Variants in SFR1 observed in about 807,000 individuals in gnomAD.
SFR1 encodes SWI5 dependent homologous recombination repair protein 1, also known as swi5-dependent recombination DNA repair protein 1 homolog.
A neutral mutation model predicts 26.2 loss-of-function variants in SFR1; 24 were observed. The observed-to-expected ratio is 0.92, with a 90% confidence interval of 0.66 to 1.29. The LOEUF is 1.29. SFR1 is among the 50% of genes most tolerant of loss of function. The probability of loss-of-function intolerance (pLI) is 0.00; values close to 1 mark genes in which losing one functional copy is unlikely to be tolerated. For synonymous variants in SFR1, 77 were observed against 96.6 expected (o/e 0.80, Z 1.19); for missense variants, 276 against 270.2 (o/e 1.02, Z -0.15).
chr10:104,122,968 A>G lies in SFR1; in HGVS notation c.17A>G (p.Lys6Arg). 1 of 1,613,040 alleles carries G rather than the reference A, an allele frequency of 6.2e-7. No individual in the cohort carries two copies. The highest frequency in any genetic ancestry group is 8.5e-7 in the Non-Finnish European group (1 of 1,179,244). MAEGE[K>R]NQDFTFKMES... ...TTTTATAATTTTTCTTTTTTAGAGA[A>G]AAACCAAGATTTCACTTTCAAGATG... Residue 6 changes from lysine to arginine, a missense_variant, in exon 2 of 4, where the codon AAA becomes AGA. Physicochemically the swap from Lys to Arg is conservative, Grantham distance 26. Transcript: ENST00000369727.
rs2087022964 is a variant in SFR1 at position 104,125,938 on chromosome 10, G to C, written c.*234G>C. ...CCGCCACCATGCCCGGCTAATTTTT[G>C]CATTTTTAGTAGAGACTGGGTTTCA... On this transcript the variant is annotated 3_prime_UTR_variant, in exon 4 of 4. Coordinates refer to ENST00000369727, the MANE Select transcript of SFR1 (RefSeq NM_001002759.2). 6.4e-6 allele frequency: 2 copies of C among 312,524 alleles called. No homozygotes were observed. Among genetic ancestry groups the C allele is most frequent in the Non-Finnish European group, 1.2e-5 (2 of 165,418 alleles). The allele number at this position is 312,524 out of a possible 1,614,324, so 19.4% of individuals were successfully genotyped here.
At chr10:104,122,146 C>A (rs369274399), upstream of SFR1, 108 of 1,546,898 alleles carry the variant, frequency 7.0e-5, 2 homozygotes, top group African/African-American at 1.4e-3. Context: ...GATCGATTTA[C>A]GGCCGCAGGT....
At chr10:104,121,913 CGG>C (rs2086966234), upstream of SFR1, 2 of 454,158 alleles carry the variant, frequency 4.4e-6, no homozygotes, top group Non-Finnish European at 7.9e-6. Context: ...ACGCTGCTCT[CGG>C]GCGCTGGGCG....
At position 104,123,053 on chromosome 10, in the gene SFR1, A is replaced by G; in HGVS notation, c.102A>G (p.Pro34=). Residue 34 remains proline, a synonymous_variant, in exon 2 of 4, where the codon CCA becomes CCG. Coordinates refer to ENST00000369727, the MANE Select transcript of SFR1 (RefSeq NM_001002759.2). Reference sequence around the variant, plus strand: ...GCACTCCTCAGGCCTCTGCGAATCCATCATCTCCCTATACAAATAGTTCCC... The same window carrying G: ...GCACTCCTCAGGCCTCTGCGAATCCGTCATCTCCCTATACAAATAGTTCCC... ...LPSTPQASAN[P]SSPYTNSSRK... 1 of 1,601,172 alleles carries G rather than the reference A, an allele frequency of 6.2e-7. No individual in the cohort carries two copies. Among genetic ancestry groups the G allele is most frequent in the Non-Finnish European group, 8.5e-7 (1 of 1,175,854 alleles).
In SFR1 at chr10:104,124,115, T is replaced by C. The variant is rs756291600; in HGVS notation, c.537T>C (p.Tyr179=). 2.5e-6 allele frequency: 4 copies of C among 1,600,896 alleles called. No homozygotes were observed. Among genetic ancestry groups the C allele is most frequent in the East Asian group, 2.2e-5 (1 of 44,772 alleles). The change falls in exon 3 of 4, where the codon TAT becomes TAC. Residue 179 remains tyrosine (Y), a synonymous_variant. Transcript: ENST00000369727. ...GGAGGCTAAAACTAGTCAAAATGTA[T>C]AGATCAAAGGTGAGAAGAATTTCAG... ...LLRRLKLVKM[Y]RSKNDLSQLQ... is the part of the protein sequence containing the mutation.
chr10:104,121,726 A>T (rs1338848067), upstream of SFR1, among the ~76,000 whole-genome samples: 2 of 152,208 alleles, frequency 1.3e-5, no homozygotes, highest in Non-Finnish European at 2.9e-5. Flanking sequence ...AGGCACTTTC[A>T]GGCGCACTTC....
At chr10:104,121,647 G>A (rs1038393172), upstream of SFR1, among the ~76,000 whole-genome samples, 3 of 152,238 alleles carry the variant, frequency 2.0e-5, no homozygotes, top group Non-Finnish European at 4.4e-5. Context: ...AGCCTTCACT[G>A]TGACTAGCAG....
At position 104,123,823 on chromosome 10, in the gene SFR1, C is replaced by T. The variant is rs201281554; in HGVS notation, c.245C>T (p.Thr82Ile). Residue 82 changes from threonine to isoleucine, a missense_variant, in exon 3 of 4, where the codon ACC becomes ATC. Coordinates refer to ENST00000369727, the MANE Select transcript of SFR1 (RefSeq NM_001002759.2). ...GTAGAGAGTGAAGAAAATGATCAGACCTTTTCAGAGAAACCAGCATCTTCC... is the reference window on the plus strand; with the variant it reads ...GTAGAGAGTGAAGAAAATGATCAGATCTTTTCAGAGAAACCAGCATCTTCC... ...LKVESEENDQ[T>I]FSEKPASSTE... 3.1e-5 allele frequency: 50 copies of T among 1,612,976 alleles called. No individual in the cohort carries two copies. Among genetic ancestry groups the T allele is most frequent in the Middle Eastern group, 1.9e-4 (1 of 5,280 alleles).
At chr10:104,120,519 GCTT>G, upstream of SFR1, among the ~76,000 whole-genome samples, 1 of 152,088 alleles carries the variant, frequency 6.6e-6, no homozygotes, top group Non-Finnish European at 1.5e-5. Flanking sequence ...AAATATATGT[GCTT>G]TTTTGGGGGG....
At chr10:104,123,624 T>C (rs895130754) in intron 2 of SFR1, 90 bp from the exon 3 acceptor site, 1 of 1,049,474 alleles carries the variant, frequency 9.5e-7, no homozygotes, top group Non-Finnish European at 1.4e-6. Flanking sequence ...GTGTCTAGCA[T>C]AGAAATGGAA....
chr10:104,122,263 G>C (rs1328701526), intron 1 of SFR1, 67 bp downstream of exon 1: 4 of 1,485,020 alleles, frequency 2.7e-6, no homozygotes, highest in Admixed American at 2.3e-5. Flanking sequence ...CTGTGGAGTC[G>C]AGTTGAGCTC....
upstream of SFR1, among the ~76,000 whole-genome samples, chr10:104,120,520 C>G (rs970631641): frequency 6.6e-6 from 1 of 151,926 alleles, no homozygotes; most frequent in Non-Finnish European, 1.5e-5. Context: ...AATATATGTG[C>G]TTTTTTGGGG....
At position 104,124,055 on chromosome 10, in the gene SFR1, G is replaced by C; in HGVS notation, c.477G>C (p.Leu159Phe). The C allele has an allele frequency of 6.2e-7, 1 of 1,613,866 alleles. No individual in the cohort carries two copies. The highest frequency in any genetic ancestry group is 2.2e-5 in the East Asian group (1 of 44,832). Reference sequence around the variant, plus strand: ...GATTAAACGCTGAAAAAGCCAAATTGGTGAAGCAGGTTCAGGAGAAAGAAG... The same window carrying C: ...GATTAAACGCTGAAAAAGCCAAATTCGTGAAGCAGGTTCAGGAGAAAGAAG... ...KQRLNAEKAK[L>F]VKQVQEKEDL... Residue 159 changes from leucine (L) to phenylalanine (F), a missense_variant, in exon 3 of 4, where the codon TTG becomes TTC. Leu to Phe is a conservative substitution (Grantham distance 22). Coordinates refer to ENST00000369727, the MANE Select transcript of SFR1 (RefSeq NM_001002759.2).
chr10:104,124,170 A>C, intron 3 of SFR1, 46 bp downstream of exon 3: 1 of 1,422,588 alleles, frequency 7.0e-7, no homozygotes, highest in Non-Finnish European at 9.3e-7. Flanking sequence ...TTTTTACATA[A>C]ATTACAGGAA....
chr10:104,125,085 G>T (rs1294958121), intron 3 of SFR1, among the ~76,000 whole-genome samples: 1 of 152,162 alleles, frequency 6.6e-6, no homozygotes, highest in Non-Finnish European at 1.5e-5. Flanking sequence ...TCCCAGGTGT[G>T]AGCCACCATC....
At chr10:104,122,335 G>T in intron 1 of SFR1, 139 bp downstream of exon 1, 1 of 1,393,158 alleles carries the variant, frequency 7.2e-7, no homozygotes, top group Non-Finnish European at 9.3e-7. Flanking sequence ...GAACTAGTGG[G>T]CTTTCTGCAA....
chr10:104,123,540 CA>C (rs1298140761), intron 2 of SFR1, among the ~76,000 whole-genome samples, 173 bp from the exon 3 acceptor site: 1 of 152,084 alleles, frequency 6.6e-6, no homozygotes, highest in Admixed American at 6.6e-5. Flanking sequence ...GGAAATAAAA[CA>C]AATGGAGCTT....
chr10:104,125,724 A>C lies in SFR1; in HGVS notation c.*20A>C, dbSNP rs1589594107. 6.6e-6 allele frequency: 10 copies of C among 1,520,286 alleles called. No individual in the cohort carries two copies. Among genetic ancestry groups the C allele is most frequent in the Non-Finnish European group, 8.1e-6 (9 of 1,115,404 alleles). The allele number at this position is 1,520,286 out of a possible 1,614,324, so 94.2% of individuals were successfully genotyped here. On this transcript the variant is annotated 3_prime_UTR_variant, in exon 4 of 4. Transcript: ENST00000369727. ...GTTTAATTCCTGATTTTTGCTCCAG[A>C]ATATCTTTGAGAATGACAACTTAAT...
chr10:104,122,983 C>T lies in SFR1; in HGVS notation c.32C>T (p.Thr11Ile). ...TTTTTAGAGAAAAACCAAGATTTCACTTTCAAGATGGAAAGTCCGTCAGAC... is the reference window on the plus strand; with the variant it reads ...TTTTTAGAGAAAAACCAAGATTTCATTTTCAAGATGGAAAGTCCGTCAGAC... Reference protein sequence around the residue: MAEGEKNQDFTFKMESPSDSA... With the variant: MAEGEKNQDFIFKMESPSDSA... The change falls in exon 2 of 4, where the codon ACT becomes ATT. Residue 11 changes from threonine to isoleucine, a missense_variant. Transcript: ENST00000369727. 1.2e-6 allele frequency: 2 copies of T among 1,613,636 alleles called. No homozygotes were observed. The highest frequency in any genetic ancestry group is 2.2e-5 in the East Asian group (1 of 44,864).
Sources: allele counts gnomAD v4.1 joint callset (sites outside exome capture counted in the v4.1 genomes callset), GRCh38; gene constraint gnomAD v4.1.1; transcripts MANE v1.5; gene names NCBI Gene and HGNC (gene_info 2026-07-23, HGNC 2026-07-21).